Variants in TENM2 observed in about 807,000 individuals in gnomAD.
TENM2 encodes teneurin transmembrane protein 2, also known as teneurin-2.
A neutral mutation model predicts 245.2 loss-of-function variants in TENM2; 52 were observed. The ratio of observed to expected loss-of-function variants is 0.21; its 90% CI spans 0.17 to 0.27. The LOEUF (loss-of-function observed/expected upper bound fraction) is 0.27. Ranked by LOEUF, TENM2 falls within the 10% of genes least tolerant of loss-of-function variation. TENM2 has a pLI of 1.00. For missense variants in TENM2, 3,046 were observed against 3,666.8 expected (o/e 0.83, Z 4.37); for synonymous variants, 1,363 against 1,438.9 (o/e 0.95, Z 1.19).
chr5:168,062,050 T>TC lies in TENM2; in HGVS notation c.1310-10_1310-9insC. 1 of 1,603,320 alleles carries TC rather than the reference T, an allele frequency of 6.2e-7. No homozygotes were observed. Among genetic ancestry groups the TC allele is most frequent in the Non-Finnish European group, 8.5e-7 (1 of 1,176,270 alleles). ...CATTGACTGCTGTTTATTCCTTTTT[T>TC]TTTTTTCAGTGCCCTGGTCGTTGAA... On this transcript the variant is annotated splice_polypyrimidine_tract_variant and intron_variant, in intron 6 of 28. Coordinates refer to ENST00000518659, the Ensembl canonical transcript of TENM2.
At position 168,136,943 on chromosome 5, in the gene TENM2, C is replaced by T. The variant is rs955201867; in HGVS notation, c.2422+9977C>T. ...TGTGATCTCCCTCCTTCATAATAAT[C>T]GCATCCCAGTTGGAATGGAGAGGGG... is the stretch of plus-strand genomic sequence containing the variant. On this transcript the variant is annotated intron_variant, in intron 12 of 28. Coordinates refer to ENST00000518659, the Ensembl canonical transcript of TENM2. Among the ~76,000 whole-genome samples the T allele has an allele frequency of 2.0e-5, 3 of 152,320 alleles. 1 individual carries two copies. Among genetic ancestry groups the T allele is most frequent in the South Asian group, 4.1e-4 (2 of 4,824 alleles).
At chr5:167,411,397 C>G (rs553117995) in intron 2 of TENM2, among the ~76,000 whole-genome samples, 1 of 151,960 alleles carries the variant, frequency 6.6e-6, no homozygotes, top group Non-Finnish European at 1.5e-5. Context: ...AATTGTGAAG[C>G]ATAAACAAAA....
At chr5:167,303,364 AAG>A (rs1336308705) in intron 1 of TENM2, 1 of 143,124 alleles carries the variant, frequency 7.0e-6, no homozygotes, top group Non-Finnish European at 1.5e-5. Flanking sequence ...TGAGTCTGAA[AAG>A]AGAGTCAGCA....
chr5:167,216,772 C>T, the TENM2 span, among the ~76,000 whole-genome samples: 1 of 152,018 alleles, frequency 6.6e-6, no homozygotes, highest in East Asian at 1.9e-4. Context: ...ACTAAAAATA[C>T]AAAACTTAGT....
chr5:167,764,972 C>T (rs1392962980), intron 2 of TENM2, among the ~76,000 whole-genome samples: 1 of 152,152 alleles, frequency 6.6e-6, no homozygotes, highest in Non-Finnish European at 1.5e-5. Context: ...TAGCCCTTAG[C>T]AAGCTGAGTA....
intron 2 of TENM2, among the ~76,000 whole-genome samples, chr5:167,858,631 G>A (rs1248465936): frequency 2.0e-5 from 3 of 151,774 alleles, no homozygotes; most frequent in South Asian, 2.1e-4. Flanking sequence ...GCGCGGCTGC[G>A]CTGCGGCCCG....
chr5:167,934,161 G>A (rs1442102939), intron 3 of TENM2, among the ~76,000 whole-genome samples: 1 of 152,170 alleles, frequency 6.6e-6, no homozygotes, highest in Non-Finnish European at 1.5e-5. Flanking sequence ...GCTTTCTTTG[G>A]TTAGGTTGAG....
intron 2 of TENM2, among the ~76,000 whole-genome samples, chr5:167,421,843 A>C (rs1171326560): frequency 1.3e-5 from 2 of 152,100 alleles, no homozygotes; most frequent in Admixed American, 1.3e-4. Flanking sequence ...CCCAGGCTGG[A>C]GTACAGTGCC....
intron 2 of TENM2, among the ~76,000 whole-genome samples, chr5:167,540,288 T>G (rs954613043): frequency 1.3e-5 from 2 of 152,146 alleles, no homozygotes; most frequent in Non-Finnish European, 2.9e-5. Context: ...GCTCCTGATT[T>G]GCAGACACTT....
At chr5:166,997,094 A>G in the TENM2 span, among the ~76,000 whole-genome samples, 2 of 152,208 alleles carry the variant, frequency 1.3e-5, no homozygotes, top group African/African-American at 2.4e-5. Context: ...ACATGTGTGT[A>G]ATACTATGAT....
intron 3 of TENM2, among the ~76,000 whole-genome samples, chr5:167,946,797 G>T (rs1475981805): frequency 6.6e-6 from 1 of 152,166 alleles, no homozygotes; most frequent in Non-Finnish European, 1.5e-5. Context: ...AAATGGGCAT[G>T]ATAAGTGACC....
At chr5:167,055,006 C>T in the TENM2 span, among the ~76,000 whole-genome samples, 1 of 152,046 alleles carries the variant, frequency 6.6e-6, no homozygotes, top group African/African-American at 2.4e-5. Flanking sequence ...ACATTGACTT[C>T]TGCAGAGCAG....
At chr5:167,755,449 A>G (rs1762247563) in intron 2 of TENM2, among the ~76,000 whole-genome samples, 1 of 49,508 alleles carries the variant, frequency 2.0e-5, no homozygotes, top group South Asian at 7.0e-4. Flanking sequence ...TCTGCCAGGT[A>G]TTTCACCAGA....
intron 5 of TENM2, among the ~76,000 whole-genome samples, chr5:168,005,772 T>C (rs1025231895): frequency 1.3e-5 from 2 of 152,190 alleles, no homozygotes; most frequent in South Asian, 4.1e-4. Flanking sequence ...TGTCGAGTGC[T>C]GCCTAATTTG....
At chr5:168,086,221 G>T (rs781478743) in intron 7 of TENM2, among the ~76,000 whole-genome samples, 1 of 152,108 alleles carries the variant, frequency 6.6e-6, no homozygotes, top group African/African-American at 2.4e-5. Context: ...CCCGCTCCAC[G>T]GTCTAGGCTC....
chr5:167,348,179 G>A (rs1267227034), intron 1 of TENM2, among the ~76,000 whole-genome samples: 3 of 152,176 alleles, frequency 2.0e-5, no homozygotes, highest in Admixed American at 6.5e-5. Context: ...CCCAGCTAAT[G>A]TTAAGAGAAA....
intron 12 of TENM2, among the ~76,000 whole-genome samples, chr5:168,160,989 C>T (rs1360387705): frequency 6.6e-6 from 1 of 152,108 alleles, no homozygotes; most frequent in African/African-American, 2.4e-5. Context: ...TATGATCATG[C>T]CACTGCACTC....
At chr5:167,711,327 T>C (rs73801357) in intron 2 of TENM2, among the ~76,000 whole-genome samples, 1,746 of 152,236 alleles carry the variant, frequency 0.011, 41 homozygotes, top group African/African-American at 0.04. Flanking sequence ...CGAGTATGGG[T>C]GTCTGGGATA....
rs74486958 is a variant in TENM2 at position 167,744,209 on chromosome 5, C to G, written c.503-131777C>G. ...GGAGATTCTGAGTATACTTACTAAGCTCTTACGGATTCAGGGTCCCAAATT... is the reference window on the plus strand; with the variant it reads ...GGAGATTCTGAGTATACTTACTAAGGTCTTACGGATTCAGGGTCCCAAATT... On this transcript the variant is annotated intron_variant, in intron 2 of 28. Transcript: ENST00000518659. Among the ~76,000 whole-genome samples the G allele has an allele frequency of 5.0e-3, 756 of 152,260 alleles. 2 individuals carry two copies. The highest frequency in any genetic ancestry group is 0.018 in the African/African-American group (734 of 41,550).
Sources: gnomAD v4.1 joint callset for allele counts (sites outside exome capture counted in the v4.1 genomes callset) on GRCh38, gnomAD v4.1.1 for gene constraint, MANE v1.5 for transcripts, NCBI Gene and HGNC (gene_info 2026-07-23, HGNC 2026-07-21) for gene names.